Variants in KLHL29 observed in about 807,000 individuals in gnomAD.
The protein encoded by KLHL29 is kelch-like protein 29.
KLHL29 carries 21 observed loss-of-function variants against 80.4 expected under a neutral mutation model. The observed-to-expected ratio is 0.26, with a 90% CI of 0.19 to 0.38. KLHL29 has a LOEUF of 0.38. Among genes scored for constraint, KLHL29 ranks in the 10% least tolerant of loss-of-function variants. The probability of loss-of-function intolerance (pLI) is 1.00; values close to 1 mark genes in which losing one functional copy is unlikely to be tolerated. For synonymous variants in KLHL29, 511 were observed against 526.8 expected (o/e 0.97, Z 0.41); for missense variants, 867 against 1,223.9 (o/e 0.71, Z 4.35).
At chr2:23,619,298 G>T (rs554595061) in intron 3 of KLHL29, among the ~76,000 whole-genome samples, 1 of 152,176 alleles carries the variant, frequency 6.6e-6, no homozygotes, top group Non-Finnish European at 1.5e-5. Flanking sequence ...GATCGAGAGC[G>T]GGCTTCTCCT....
intron 1 of KLHL29, among the ~76,000 whole-genome samples, chr2:23,435,917 T>A (rs1214110678): frequency 2.0e-5 from 3 of 151,544 alleles, no homozygotes; most frequent in Admixed American, 6.6e-5. Flanking sequence ...TTTTTTTTTT[T>A]TAAAAAGGAA....
intron 2 of KLHL29, among the ~76,000 whole-genome samples, chr2:23,485,788 C>A (rs1436982774): frequency 1.3e-5 from 2 of 152,194 alleles, no homozygotes; most frequent in East Asian, 3.9e-4. Flanking sequence ...CAGTCCTTAA[C>A]CTCCCTGTGC....
chr2:23,699,133 C>G (rs1249617518), intron 11 of KLHL29, among the ~76,000 whole-genome samples: 1 of 152,252 alleles, frequency 6.6e-6, no homozygotes, highest in Non-Finnish European at 1.5e-5. Flanking sequence ...TCCAAGCACA[C>G]AACTGGACGT....
Position 23,696,351 on chromosome 2 carries a change from T to G in KLHL29, c.1943T>G (p.Val648Gly). The G allele has an allele frequency of 6.4e-7, 1 of 1,551,442 alleles. No individual in the cohort carries two copies. Among genetic ancestry groups the G allele is most frequent in the East Asian group, 2.4e-5 (1 of 40,896 alleles). ...CCTCCAGGTGGGATGGAATCAGGGG[T>G]GACGCTGGCTGATGTCTGGTGCTAC... ...IYLSGGMESG[V>G]TLADVWCYMS... The change falls in exon 11 of 14, where the codon GTG becomes GGG. Residue 648 changes from valine (V) to glycine (G), a missense_variant. Val to Gly is a moderately radical substitution (Grantham distance 109, BLOSUM62 -3). Around this residue, in one of 2 missense-constraint regions of KLHL29, gnomAD observed 443 missense variants for 767.0 expected, o/e 0.58. Transcript: ENST00000486442. This position sits in a 1 kb window ranked among gnomAD's most constrained non-coding sequence, Gnocchi z 5.5.
At chr2:23,603,696 C>T (rs1020324136) in intron 3 of KLHL29, among the ~76,000 whole-genome samples, 4 of 152,250 alleles carry the variant, frequency 2.6e-5, no homozygotes, top group African/African-American at 9.6e-5. Context: ...CATCCCAGCC[C>T]TTCCCTGTCT....
intron 2 of KLHL29, among the ~76,000 whole-genome samples, chr2:23,482,203 G>A (rs552085798): frequency 1.1e-4 from 16 of 152,244 alleles, no homozygotes; most frequent in South Asian, 2.1e-4. Flanking sequence ...AGTGAATGGC[G>A]GGTGAGATGG....
At chr2:23,578,690 A>G (rs1667902825) in intron 3 of KLHL29, among the ~76,000 whole-genome samples, 2 of 152,154 alleles carry the variant, frequency 1.3e-5, no homozygotes, top group African/African-American at 4.8e-5. Context: ...GTGTTGAATT[A>G]TCAAGTTGAA....
intron 3 of KLHL29, among the ~76,000 whole-genome samples, chr2:23,585,027 C>A (rs1668083711): frequency 6.6e-6 from 1 of 152,206 alleles, no homozygotes; most frequent in South Asian, 2.1e-4. Flanking sequence ...TGAACCACCA[C>A]CGCCAGCCTA....
intron 2 of KLHL29, among the ~76,000 whole-genome samples, chr2:23,530,694 A>G (rs1666463552): frequency 1.3e-5 from 2 of 152,248 alleles, no homozygotes; most frequent in East Asian, 1.9e-4. Flanking sequence ...AAAGACTCCC[A>G]TCACCTCAAG....
chr2:23,690,991 C>T (rs1671561511), intron 6 of KLHL29: 1 of 153,542 alleles, frequency 6.5e-6, no homozygotes, highest in African/African-American at 2.4e-5. Context: ...CAGGTCATGG[C>T]TGCTGGCTGT....
At chr2:23,687,243 C>T (rs1387837420) in intron 6 of KLHL29, among the ~76,000 whole-genome samples, 1 of 149,854 alleles carries the variant, frequency 6.7e-6, no homozygotes, top group Non-Finnish European at 1.5e-5. Context: ...CAACATTGGC[C>T]CTCCCTGGGT....
In KLHL29 at chr2:23,642,565, G is replaced by A. The variant is rs1405115795; in HGVS notation, c.655G>A (p.Val219Ile). The stretch of plus-strand genomic sequence containing the variant: ...CTCTCAGCCACTGAGCAGCGTGGTG[G>A]TCAACATGCCTGCCCAGGCCCTGTA... ...PPSQPLSSVV[V>I]NMPAQALYAS... The change falls in exon 5 of 14, where the codon GTC becomes ATC. Residue 219 changes from valine to isoleucine, a missense_variant. Physicochemically the swap from Val to Ile is conservative, Grantham distance 29. Coordinates refer to ENST00000486442, the MANE Select transcript of KLHL29 (RefSeq NM_052920.2). 1.9e-6 allele frequency: 3 copies of A among 1,548,896 alleles called. No individual in the cohort carries two copies. Among genetic ancestry groups the A allele is most frequent in the South Asian group, 2.4e-5 (2 of 83,922 alleles).
Position 23,569,057 on chromosome 2 carries a change from C to T in KLHL29, c.285+6576C>T, listed in dbSNP as rs537290039. On this transcript the variant is annotated intron_variant, in intron 3 of 13. Coordinates refer to ENST00000486442, the MANE Select transcript of KLHL29 (RefSeq NM_052920.2). The stretch of plus-strand genomic sequence containing the variant: ...TGACCTTGGCTTCTAAGTTCAGAAG[C>T]TCCAATGCTTGATCCTGTCACCACT... Among the ~76,000 whole-genome samples, 5 of 152,324 alleles carry T rather than the reference C, an allele frequency of 3.3e-5. No homozygotes were observed. The South Asian group carries it at 1.0e-3, about 32-fold the overall frequency.
At chr2:23,514,560 A>G (rs1665865890) in intron 2 of KLHL29, among the ~76,000 whole-genome samples, 1 of 152,190 alleles carries the variant, frequency 6.6e-6, no homozygotes, top group Admixed American at 6.5e-5. Context: ...GGGATCTAGG[A>G]ACAGCTGATG....
chr2:23,463,483 A>T (rs369882240), intron 1 of KLHL29, among the ~76,000 whole-genome samples: 2 of 152,168 alleles, frequency 1.3e-5, no homozygotes, highest in East Asian at 3.8e-4. Context: ...CATAGACAAA[A>T]AATTTTACTG....
chr2:23,404,599 C>T (rs574422492), intron 1 of KLHL29, among the ~76,000 whole-genome samples: 5 of 152,244 alleles, frequency 3.3e-5, no homozygotes, highest in African/African-American at 7.2e-5. Flanking sequence ...ACTGTAAAAA[C>T]GATTTGTTTT....
At chr2:23,452,975 C>G (rs768789930) in intron 1 of KLHL29, among the ~76,000 whole-genome samples, 97 of 151,962 alleles carry the variant, frequency 6.4e-4, no homozygotes, top group Non-Finnish European at 9.9e-4. Flanking sequence ...TTCCTTTATG[C>G]TGGGACTGTG....
At chr2:23,638,273 T>C (rs950474644) in intron 3 of KLHL29, among the ~76,000 whole-genome samples, 2 of 152,166 alleles carry the variant, frequency 1.3e-5, no homozygotes, top group African/African-American at 2.4e-5. Flanking sequence ...TTTTTCTCAT[T>C]AAACATTATG....
intron 6 of KLHL29, chr2:23,689,511 TGTGTGC>T (rs1359152321): frequency 6.6e-6 from 1 of 152,454 alleles, no homozygotes; most frequent in Non-Finnish European, 1.5e-5. Context: ...TCAGTGCATA[TGTGTGC>T]GTGTGCATGT....
Sources: gnomAD v4.1 joint callset for allele counts (sites outside exome capture counted in the v4.1 genomes callset) on GRCh38, gnomAD v4.1.1 for gene constraint, gnomAD v4.1.1 regional missense constraint, Gnocchi (gnomAD v3.1) non-coding constraint, MANE v1.5 for transcripts, NCBI Gene and HGNC (gene_info 2026-07-23, HGNC 2026-07-21) for gene names.